The following PYGM variants were observed in gnomAD, a reference collection of about 807,000 sequenced individuals.
The protein encoded by PYGM is glycogen phosphorylase, muscle associated, also known as glycogen phosphorylase, muscle form.
PYGM carries 81 observed loss-of-function variants against 99.3 expected under a neutral mutation model. The observed-to-expected ratio is 0.82, with a 90% CI of 0.68 to 0.98. The LOEUF (loss-of-function observed/expected upper bound fraction) is 0.98, where lower values mean the gene tolerates loss of function less well. Among genes scored for constraint, PYGM ranks in the 50% least tolerant of loss-of-function variants. The probability of loss-of-function intolerance (pLI) is 0.00; values close to 1 mark genes in which losing one functional copy is unlikely to be tolerated. For synonymous variants in PYGM, 436 were observed against 451.5 expected (o/e 0.97, Z 0.44); for missense variants, 1,030 against 1,158.1 (o/e 0.89, Z 1.61).
intron 5 of PYGM, among the ~76,000 whole-genome samples, chr11:64,757,134 G>A (rs1189310413): frequency 6.6e-6 from 1 of 152,058 alleles, no homozygotes; most frequent in Non-Finnish European, 1.5e-5. Flanking sequence ...TCTTGTCCAG[G>A]CTGGTCTCGA....
In PYGM at chr11:64,755,248, G is replaced by GC; in HGVS notation, c.855+24dup. 1.2e-6 allele frequency: 2 copies of GC among 1,609,464 alleles called. No homozygotes were observed. The highest frequency in any genetic ancestry group is 1.7e-6 in the Non-Finnish European group (2 of 1,175,942). The stretch of plus-strand genomic sequence containing the variant: ...CTGCTGCCAAGGACTCAGGCTTCCA[G>GC]CCCCCAGCCCAGGGGGTGACGCACA... On this transcript the variant is annotated intron_variant, in intron 7 of 19. Transcript: ENST00000164139. The surrounding 1 kb of genome is among the most constrained non-coding windows in gnomAD (Gnocchi z 4.1).
At chr11:64,753,341 A>G (rs1462083247) in intron 11 of PYGM, among the ~76,000 whole-genome samples, 154 bp from the exon 12 acceptor site, 1 of 152,162 alleles carries the variant, frequency 6.6e-6, no homozygotes, top group Non-Finnish European at 1.5e-5. Context: ...AGAGGAGGTC[A>G]TCTCAGGACA....
rs1732512747 is a variant in PYGM at position 64,753,901 on chromosome 11, T to C, written c.1217A>G (p.Glu406Gly). 6.3e-7 allele frequency: 1 copy of C among 1,584,544 alleles called. No individual in the cohort carries two copies. The highest frequency in any genetic ancestry group is 8.6e-7 in the Non-Finnish European group (1 of 1,165,016). Residue 406 changes from glutamate to glycine, a missense_variant, in exon 10 of 20, where the codon GAG becomes GGG. Glu to Gly is a moderately conservative substitution (Grantham distance 98, BLOSUM62 -2). Coordinates refer to ENST00000164139, the MANE Select transcript of PYGM (RefSeq NM_005609.4). ...LLPRHLQIIY[E>G]INQRFLNRVA... ...CACGTTGAGGAAGCGCTGGTTGATC[T>C]CGTAGATGATCTGGAGGTGCCGCGG...
chr11:64,750,597 G>A lies in PYGM; in HGVS notation c.1970-14C>T, dbSNP rs1196383234. On this transcript the variant is annotated splice_polypyrimidine_tract_variant and intron_variant, in intron 16 of 19. Coordinates refer to ENST00000164139, the MANE Select transcript of PYGM (RefSeq NM_005609.4). Reference sequence around the variant, plus strand: ...CAGCTGGGATCACTGTGGGGTGGCAGCAGGGGGACAAGTCAACTCAGGGAA... The same window carrying A: ...CAGCTGGGATCACTGTGGGGTGGCAACAGGGGGACAAGTCAACTCAGGGAA... 6.2e-7 allele frequency: 1 copy of A among 1,613,230 alleles called. No homozygotes were observed. The highest frequency in any genetic ancestry group is 8.5e-7 in the Non-Finnish European group (1 of 1,179,594).
chr11:64,755,688 G>T lies in PYGM; in HGVS notation c.661-130C>A. On this transcript the variant is annotated intron_variant, in intron 5 of 19. Transcript: ENST00000164139. The surrounding 1 kb of genome is among the most constrained non-coding windows in gnomAD (Gnocchi z 4.1). ...TCTTGTCCTTGTCTAGCATCGATGAGCTGGGTAACCATGAGCAAACCCCAT... is the reference window on the plus strand; with the variant it reads ...TCTTGTCCTTGTCTAGCATCGATGATCTGGGTAACCATGAGCAAACCCCAT... The T allele has an allele frequency of 4.1e-6, 3 of 727,068 alleles. No individual in the cohort carries two copies. The highest frequency in any genetic ancestry group is 2.7e-5 in the East Asian group (1 of 36,908). 45.0% of individuals were successfully genotyped at this position (727,068 alleles called of 1,614,324 possible).
In PYGM at chr11:64,758,603, C is replaced by G. The variant is rs2135840732; in HGVS notation, c.345G>C (p.Gln115His). 1 of 1,613,228 alleles carries G rather than the reference C, an allele frequency of 6.2e-7. No homozygotes were observed. The highest frequency in any genetic ancestry group is 8.5e-7 in the Non-Finnish European group (1 of 1,179,208). Residue 115 changes from glutamine (Q) to histidine (H), a missense_variant and splice_region_variant, in exon 2 of 20, where the codon CAG (glutamine) becomes CAC (histidine). Gln to His is a conservative substitution (Grantham distance 24, BLOSUM62 0). Coordinates refer to ENST00000164139, the MANE Select transcript of PYGM (RefSeq NM_005609.4). ...LENACDEATY[Q>H]LGLDMEELEE... ...ACGGCTTGCCCCACCCCACACACAC[C>G]TGGTAGGTGGCCTCGTCACAGGCAT...
rs927673085 is a variant in PYGM, at chr11:64,754,406, C to T, written c.1000-61G>A. 13 of 1,430,746 alleles carry T rather than the reference C, an allele frequency of 9.1e-6. No homozygotes were observed. In the Admixed American group the frequency reaches 1.0e-4, roughly 11 times the overall value. 88.6% of individuals were successfully genotyped at this position (1,430,746 alleles called of 1,614,324 possible). On this transcript the variant is annotated intron_variant, in intron 8 of 19. Transcript: ENST00000164139. The surrounding 1 kb of genome is among the most constrained non-coding windows in gnomAD (Gnocchi z 5.5). ...CCACATTCCATGCTATGGTCACTGC[C>T]CTATGCCATTTGGAGGCCCCCAGAG... is the stretch of plus-strand genomic sequence containing the variant.
intron 11 of PYGM, 80 bp downstream of exon 11, chr11:64,753,439 G>T: frequency 6.7e-7 from 1 of 1,494,958 alleles, no homozygotes; most frequent in Non-Finnish European, 8.9e-7. Context: ...AGTGGTCGGT[G>T]AAGGGCGGGG....
At chr11:64,751,112 G>A (rs2058352912) in intron 16 of PYGM, 5 of 616,978 alleles carry the variant, frequency 8.1e-6, no homozygotes, top group Middle Eastern at 4.6e-4. Context: ...GGCTGGTCTC[G>A]AACTCCTGAC....
chr11:64,758,303 G>A lies in PYGM; in HGVS notation c.471C>T (p.Gly157=). The A allele has an allele frequency of 6.2e-7, 1 of 1,614,168 alleles. No individual in the cohort carries two copies. Among genetic ancestry groups the A allele is most frequent in the Non-Finnish European group, 8.5e-7 (1 of 1,180,026 alleles). Residue 157 remains glycine (G), a synonymous_variant, in exon 4 of 20, where the codon GGC becomes GGT. Transcript: ENST00000164139. ...SMATLGLAAY[G]YGIRYEFGIF... Reference sequence around the variant, plus strand: ...TCCCAAACTCATAGCGAATCCCGTAGCCATAGGCGGCCAGGCCCAGTGTTG... The same window carrying A: ...TCCCAAACTCATAGCGAATCCCGTAACCATAGGCGGCCAGGCCCAGTGTTG...
chr11:64,746,980 C>G lies in PYGM; in HGVS notation c.2320G>C (p.Val774Leu), dbSNP rs2058315784. Residue 774 changes from valine to leucine, a missense_variant, in exon 19 of 20, where the codon GTC (valine) becomes CTC (leucine). Physicochemically the swap from Val to Leu is conservative, Grantham distance 32 (BLOSUM62 1). Coordinates refer to ENST00000164139, the MANE Select transcript of PYGM (RefSeq NM_005609.4). ...ATGTAGTCTTCATAATCTGCGAAGA[C>G]TTTAAACCTGGAGGGGAAAGGATAG... is the stretch of plus-strand genomic sequence containing the variant. ...NMLMHHDRFK[V>L]FADYEDYIKC... 1.2e-6 allele frequency: 2 copies of G among 1,614,178 alleles called. No homozygotes were observed. Among genetic ancestry groups the G allele is most frequent in the African/African-American group, 2.7e-5 (2 of 75,046 alleles).
chr11:64,751,375 C>T lies in PYGM; in HGVS notation c.1919G>A (p.Arg640His), dbSNP rs141267088. ...GTTCTCCAGGAAGATGACACGGAGGCGGTCACCCACTGCCGGGTCATGGTT... is the reference window on the plus strand; with the variant it reads ...GTTCTCCAGGAAGATGACACGGAGGTGGTCACCCACTGCCGGGTCATGGTT... ...VVNHDPAVGDRLRVIFLENYR... is the reference protein window; with the variant it reads ...VVNHDPAVGDHLRVIFLENYR... Residue 640 changes from arginine to histidine, a missense_variant, in exon 16 of 20, where the codon CGC becomes CAC. Arg to His is a conservative substitution (Grantham distance 29). Transcript: ENST00000164139. 53 of 1,614,150 alleles carry T rather than the reference C, an allele frequency of 3.3e-5. No individual in the cohort carries two copies. In the African/African-American group the frequency reaches 4.0e-4, roughly 12 times the overall value.
rs143401208 is a variant in PYGM, at chr11:64,753,975, C to T, written c.1143G>A (p.Leu381=). 63 of 1,606,232 alleles carry T rather than the reference C, an allele frequency of 3.9e-5. No homozygotes were observed. In the African/African-American group the frequency reaches 7.9e-4, roughly 20 times the overall value. The part of the protein sequence containing the change: ...RTCAYTNHTV[L]PEALERWPVH... ...CCGGCCAGCGCTCCAGGGCCTCGGG[C>T]AGCACCGTGTGGTTGGTGTAGGCAC... Residue 381 remains leucine (L), a synonymous_variant, in exon 10 of 20, where the codon CTG becomes CTA. Coordinates refer to ENST00000164139, the MANE Select transcript of PYGM (RefSeq NM_005609.4).
intron 12 of PYGM, among the ~76,000 whole-genome samples, chr11:64,752,852 T>C (rs1276976422): frequency 6.6e-6 from 1 of 152,204 alleles, no homozygotes; most frequent in African/African-American, 2.4e-5. Flanking sequence ...TCTGCTGTGT[T>C]CACCTCCACA....
intron 5 of PYGM, among the ~76,000 whole-genome samples, chr11:64,756,568 A>G (rs1332535025): frequency 1.3e-5 from 2 of 152,160 alleles, no homozygotes; most frequent in African/African-American, 4.8e-5. Flanking sequence ...CTCTGGCTTC[A>G]GCCTCCTGAG....
chr11:64,747,474 C>T, intron 17 of PYGM, 116 bp from the exon 18 acceptor site: 1 of 1,396,606 alleles, frequency 7.2e-7, no homozygotes, highest in South Asian at 1.2e-5. Context: ...CCTGCTGCTC[C>T]CCAGGGCTGC....
intron 17 of PYGM, among the ~76,000 whole-genome samples, chr11:64,749,451 G>C (rs1250108195): frequency 6.6e-6 from 1 of 152,002 alleles, no homozygotes; most frequent in East Asian, 2.0e-4. Context: ...GACCATCCTG[G>C]CTAACATGGT....
chr11:64,758,454 C>A lies in PYGM; in HGVS notation c.407G>T (p.Gly136Val), dbSNP rs756547364. ...IEEDAGLGNG[G>V]LGRLAACFLD... ...CTTCTTACCTGCCAGCCGGCCCAGG[C>A]CCCCGTTGCCCAGCCCCGCATCCTC... is the stretch of plus-strand genomic sequence containing the variant. Residue 136 changes from glycine to valine, a missense_variant, in exon 3 of 20, where the codon GGC (glycine) becomes GTC (valine). Transcript: ENST00000164139. The A allele has an allele frequency of 6.2e-7, 1 of 1,613,892 alleles. No individual in the cohort carries two copies. The highest frequency in any genetic ancestry group is 8.5e-7 in the Non-Finnish European group (1 of 1,179,996).
chr11:64,760,092 G>A (rs1034011759), upstream of PYGM: 10 of 847,698 alleles, frequency 1.2e-5, no homozygotes, highest in African/African-American at 1.4e-4. Context: ...GGCAAGGGGA[G>A]GAGAGGAGAG....
Sources: allele counts gnomAD v4.1 joint callset (sites outside exome capture counted in the v4.1 genomes callset), GRCh38; gene constraint gnomAD v4.1.1; non-coding constraint Gnocchi (gnomAD v3.1); transcripts MANE v1.5; gene names NCBI Gene and HGNC (gene_info 2026-07-23, HGNC 2026-07-21).